Variants in MYLK observed in about 807,000 individuals in gnomAD.
The protein encoded by MYLK is myosin light chain kinase, also known as myosin light chain kinase, smooth muscle.
MYLK carries 106 observed loss-of-function variants against 203.4 expected under a neutral mutation model. The ratio of observed to expected loss-of-function variants is 0.52; its 90% CI spans 0.45 to 0.61. MYLK has a LOEUF of 0.61. Ranked by LOEUF, MYLK falls within the 20% of genes least tolerant of loss-of-function variation. The pLI, the probability that MYLK is intolerant of heterozygous loss-of-function variation, is 0.00. For missense variants in MYLK, 2,072 were observed against 2,442.3 expected, an observed-to-expected ratio of 0.85 and a Z score of 3.20; for synonymous variants, 867 against 959.5, an observed-to-expected ratio of 0.90 and a Z score of 1.78.
rs72970813 is a variant in MYLK at position 123,697,257 on chromosome 3, T to C, written c.3448+2763A>G. 9.5e-3 allele frequency among the ~76,000 whole-genome samples: 1,449 copies of C among 152,330 alleles called. 21 individuals are homozygous for C. Among genetic ancestry groups the C allele is most frequent in the African/African-American group, 0.031 (1,276 of 41,564 alleles). On this transcript the variant is annotated intron_variant, in intron 18 of 33. Transcript: ENST00000360304. The stretch of plus-strand genomic sequence containing the variant: ...ACAAAACACTGGGCTCTTGAAGTCT[T>C]GGCGAGTGAAGGGACAGAAGGTGGG...
chr3:123,774,032 T>A (rs949954244), intron 4 of MYLK, among the ~76,000 whole-genome samples: 1 of 152,082 alleles, frequency 6.6e-6, no homozygotes, highest in Non-Finnish European at 1.5e-5. Context: ...GGGGCTGAGC[T>A]CAGTCCACTG....
chr3:123,668,947 T>C (rs2059825264), intron 20 of MYLK, among the ~76,000 whole-genome samples: 1 of 152,254 alleles, frequency 6.6e-6, no homozygotes, highest in Non-Finnish European at 1.5e-5. Flanking sequence ...ATTTGTTGAA[T>C]GAATGAGTGG....
intron 4 of MYLK, among the ~76,000 whole-genome samples, chr3:123,762,979 G>A (rs887399456): frequency 1.3e-5 from 2 of 152,154 alleles, no homozygotes; most frequent in Non-Finnish European, 2.9e-5. Flanking sequence ...TCTCTGTATG[G>A]AATGTAAACT....
chr3:123,856,112 T>C (rs2148676882), intron 2 of MYLK, among the ~76,000 whole-genome samples: 2 of 152,304 alleles, frequency 1.3e-5, no homozygotes, highest in South Asian at 4.1e-4. Context: ...TGTGATGTTA[T>C]CCTTACTCAG....
rs868178336 is a variant in MYLK, at chr3:123,642,037, G to T, written c.4620-1533C>A. On this transcript the variant is annotated intron_variant, in intron 27 of 33. Coordinates refer to ENST00000360304, the MANE Select transcript of MYLK (RefSeq NM_053025.4). The surrounding 1 kb of genome is among the most constrained non-coding windows in gnomAD (Gnocchi z 4.2). ...ACCTGGCTAATTTTTTTAATGTTTT[G>T]TAGAGACAGGGTCTCTCTCTGTCAC... Among the ~76,000 whole-genome samples, 21 of 151,970 alleles carry T rather than the reference G, an allele frequency of 1.4e-4. No homozygotes were observed. The highest frequency in any genetic ancestry group is 5.1e-4 in the African/African-American group (21 of 41,424).
chr3:123,742,099 T>G (rs1048806345), intron 5 of MYLK, among the ~76,000 whole-genome samples: 1 of 152,190 alleles, frequency 6.6e-6, no homozygotes, highest in African/African-American at 2.4e-5. Flanking sequence ...GCTCAACCTT[T>G]GCATGCTGGG....
At chr3:123,817,009 A>G (rs2065771325) in intron 3 of MYLK, among the ~76,000 whole-genome samples, 2 of 152,248 alleles carry the variant, frequency 1.3e-5, no homozygotes, top group Admixed American at 6.5e-5. Context: ...CAGATTTAAT[A>G]TCAGTGGCGC....
At chr3:123,757,638 C>T (rs1361811936) in intron 4 of MYLK, among the ~76,000 whole-genome samples, 1 of 152,180 alleles carries the variant, frequency 6.6e-6, no homozygotes, top group African/African-American at 2.4e-5. Context: ...GAGCAGTGAG[C>T]TGAAGAATCT....
chr3:123,625,768 C>T (rs1325836284), intron 31 of MYLK, among the ~76,000 whole-genome samples: 3 of 147,568 alleles, frequency 2.0e-5, no homozygotes, highest in Non-Finnish European at 4.4e-5. Flanking sequence ...GATCGTGCCA[C>T]TGTACTCCAG....
At position 123,700,337 on chromosome 3, in the gene MYLK, G is replaced by A. The variant is rs771422273; in HGVS notation, c.3131C>T (p.Ala1044Val). The change falls in exon 18 of 34, where the codon GCC becomes GTC. Residue 1044 changes from alanine to valine, a missense_variant. Coordinates refer to ENST00000360304, the MANE Select transcript of MYLK (RefSeq NM_053025.4). ...TLKPMGNAKP[A>V]ETLKPMGNAK... ...ATTGCCCATGGGCTTCAGGGTCTCG[G>A]CAGGCTTGGCGTTGCCCATTGGCTT... 3 of 1,613,422 alleles carry A rather than the reference G, an allele frequency of 1.9e-6. No individual in the cohort carries two copies. The highest frequency in any genetic ancestry group is 2.7e-5 in the African/African-American group (2 of 74,700).
At chr3:123,719,862 G>A (rs1299727786) in intron 13 of MYLK, among the ~76,000 whole-genome samples, 1 of 152,234 alleles carries the variant, frequency 6.6e-6, no homozygotes, top group African/African-American at 2.4e-5. Flanking sequence ...AGGATCCAGA[G>A]CCAACGGGGC....
At chr3:123,750,603 AG>A (rs1298031797) in intron 5 of MYLK, among the ~76,000 whole-genome samples, 3 of 152,244 alleles carry the variant, frequency 2.0e-5, no homozygotes, top group African/African-American at 7.2e-5. Context: ...TTTATCCTGC[AG>A]AAAGACAGGT....
In MYLK at chr3:123,648,711, A is replaced by C. The variant is rs979182578; in HGVS notation, c.4415+260T>G. 2.6e-5 allele frequency among the ~76,000 whole-genome samples: 4 copies of C among 152,122 alleles called. No homozygotes were observed. Among genetic ancestry groups the C allele is most frequent in the African/African-American group, 9.7e-5 (4 of 41,438 alleles). On this transcript the variant is annotated intron_variant, in intron 26 of 33. Transcript: ENST00000360304. This position sits in a 1 kb window ranked among gnomAD's most constrained non-coding sequence, Gnocchi z 4.5. Reference sequence around the variant, plus strand: ...GTCTCATTTTGGTCCTGGGCTCTGAACAGAGGCACAGAAAAGGAAGGACTT... The same window carrying C: ...GTCTCATTTTGGTCCTGGGCTCTGACCAGAGGCACAGAAAAGGAAGGACTT...
rs181101889 is a variant in MYLK, at chr3:123,831,768, G to A, written c.-126-98C>T. ...GGAGGAGTACATCACTCTGGGACAG[G>A]CTATGTAGAAATAGGGAAGCATCCC... On this transcript the variant is annotated intron_variant, in intron 2 of 33. Transcript: ENST00000360304. 533 of 181,652 alleles carry A rather than the reference G, an allele frequency of 2.9e-3. 3 individuals are homozygous for A. The highest frequency in any genetic ancestry group is 4.6e-3 in the Non-Finnish European group (393 of 84,692). The allele number at this position is 181,652 out of a possible 1,614,324, so 11.3% of individuals were successfully genotyped here.
intron 3 of MYLK, among the ~76,000 whole-genome samples, chr3:123,817,421 T>G (rs1475566699): frequency 6.6e-6 from 1 of 152,174 alleles, no homozygotes; most frequent in East Asian, 1.9e-4. Context: ...CCCAAATTCC[T>G]TTCCCTACCT....
intron 2 of MYLK, among the ~76,000 whole-genome samples, chr3:123,869,574 G>A (rs1010501504): frequency 6.6e-6 from 1 of 151,996 alleles, no homozygotes; most frequent in African/African-American, 2.4e-5. Context: ...CAGGAAAAGG[G>A]GACCAGCACA....
chr3:123,610,492 C>G lies in MYLK; in HGVS notation c.*3613G>C, dbSNP rs530738588. ...GCCCGTCATTATGGAGAGGCTTGTA[C>G]CAGCACATAAATGCTCTGGTCCCGA... On this transcript the variant is annotated 3_prime_UTR_variant, in exon 34 of 34. Transcript: ENST00000360304. 6 of 152,270 alleles carry G rather than the reference C, an allele frequency of 3.9e-5. No individual in the cohort carries two copies. In the East Asian group the frequency reaches 1.2e-3, roughly 29 times the overall value. 9.4% of individuals were successfully genotyped at this position (152,270 alleles called of 1,614,324 possible).
chr3:123,657,473 C>T (rs1175740060), intron 23 of MYLK, 45 bp from the exon 24 acceptor site: 2 of 1,600,904 alleles, frequency 1.2e-6, no homozygotes, highest in Non-Finnish European at 1.7e-6. Context: ...TCCAGAATTG[C>T]AGGCAAAGGA....
intron 27 of MYLK, among the ~76,000 whole-genome samples, chr3:123,643,012 C>G (rs774708682): frequency 1.3e-5 from 2 of 152,198 alleles, no homozygotes; most frequent in Non-Finnish European, 2.9e-5. Flanking sequence ...TTGAGAAATA[C>G]TGGCTTACTC....
Sources: gnomAD v4.1 joint callset for allele counts (sites outside exome capture counted in the v4.1 genomes callset) on GRCh38, gnomAD v4.1.1 for gene constraint, Gnocchi (gnomAD v3.1) non-coding constraint, MANE v1.5 for transcripts, NCBI Gene and HGNC (gene_info 2026-07-23, HGNC 2026-07-21) for gene names.